Variants in RBPJ observed in about 807,000 individuals in gnomAD.
RBPJ encodes recombining binding protein suppressor of hairless.
RBPJ carries 9 observed loss-of-function variants against 67.8 expected under a neutral mutation model. The ratio of observed to expected loss-of-function variants is 0.13; its 90% CI spans 0.08 to 0.23. The LOEUF (loss-of-function observed/expected upper bound fraction) is 0.23. Among genes scored for constraint, RBPJ ranks in the 10% least tolerant of loss-of-function variants. The pLI is 1.00. For missense variants in RBPJ, 305 were observed against 595.6 expected (o/e 0.51, Z 5.08); for synonymous variants, 198 against 203.3 (o/e 0.97, Z 0.22).
chr4:26,141,461 G>A, the RBPJ span, among the ~76,000 whole-genome samples: 628 of 152,322 alleles, frequency 4.1e-3, 10 homozygotes, highest in Non-Finnish European at 4.4e-3. Flanking sequence ...GGCCCGGAAC[G>A]CCCAGGAACA....
intron 1 of RBPJ, among the ~76,000 whole-genome samples, chr4:26,282,582 G>A (rs1721311248): frequency 6.6e-6 from 1 of 151,398 alleles, no homozygotes; most frequent in Non-Finnish European, 1.5e-5. Flanking sequence ...GTGCAATGGC[G>A]CGATCTCTGC....
intron 5 of RBPJ, among the ~76,000 whole-genome samples, chr4:26,422,301 C>T (rs1735222884): frequency 6.6e-6 from 1 of 151,990 alleles, no homozygotes; most frequent in African/African-American, 2.4e-5. Context: ...CAAACTTTAA[C>T]CTAATGGTTT....
intron 1 of RBPJ, among the ~76,000 whole-genome samples, chr4:26,229,420 C>T (rs1413766872): frequency 1.3e-5 from 2 of 152,166 alleles, no homozygotes; most frequent in Admixed American, 6.5e-5. Context: ...TTTTCTTCCT[C>T]CTGTTGGTGG....
chr4:26,356,816 G>A lies in RBPJ; in HGVS notation c.21-29537G>A, dbSNP rs566723994. 6.2e-4 allele frequency among the ~76,000 whole-genome samples: 94 copies of A among 152,330 alleles called. 1 individual carries two copies. Among genetic ancestry groups the A allele is most frequent in the Non-Finnish European group, 1.0e-4 (7 of 68,026 alleles). ...TTTTTGTAGGACCAGACACTTAGAA[G>A]TGAAATTGCTAGTTGCAAAGATATG... On this transcript the variant is annotated intron_variant, in intron 1 of 10. Transcript: ENST00000355476.
intron 1 of RBPJ, among the ~76,000 whole-genome samples, chr4:26,250,006 G>A (rs919665807): frequency 2.6e-5 from 4 of 151,484 alleles, no homozygotes; most frequent in African/African-American, 9.7e-5. Flanking sequence ...GCCTGGTCTC[G>A]AACTCCTGAC....
At chr4:26,252,407 G>A (rs1480549262) in intron 1 of RBPJ, among the ~76,000 whole-genome samples, 1 of 152,032 alleles carries the variant, frequency 6.6e-6, no homozygotes, top group Non-Finnish European at 1.5e-5. Context: ...ACCAGTTTGG[G>A]CAACATGGCA....
At chr4:26,156,113 G>T in the RBPJ span, among the ~76,000 whole-genome samples, 1 of 152,094 alleles carries the variant, frequency 6.6e-6, no homozygotes, top group African/African-American at 2.4e-5. Flanking sequence ...CATCAAATGG[G>T]AATAATAACT....
At chr4:26,214,635 AAAAGAAAAAAG>A (rs1718574801) in intron 1 of RBPJ, among the ~76,000 whole-genome samples, 1 of 62,452 alleles carries the variant, frequency 1.6e-5, no homozygotes, top group Non-Finnish European at 2.9e-5. Context: ...AAGAGAAAGA[AAAAGAAAAAAG>A]AAAGAGAAAA....
At position 26,432,423 on chromosome 4, in the gene RBPJ, T is replaced by C. The variant is rs959558848; in HGVS notation, c.*1416T>C. 6.6e-6 allele frequency: 1 copy of C among 152,238 alleles called. No homozygotes were observed. The highest frequency in any genetic ancestry group is 2.4e-5 in the African/African-American group (1 of 41,448). The allele number at this position is 152,238 out of a possible 1,614,324, so 9.4% of individuals were successfully genotyped here. On this transcript the variant is annotated 3_prime_UTR_variant, in exon 11 of 11. Coordinates refer to ENST00000355476, the MANE Select transcript of RBPJ (RefSeq NM_015874.6). ...TCTCTGCCTTTTTTGTTTGTTTGTTTTCTCTTTTCCAGTACTGAGCATCTC... is the reference window on the plus strand; with the variant it reads ...TCTCTGCCTTTTTTGTTTGTTTGTTCTCTCTTTTCCAGTACTGAGCATCTC...
Position 26,360,439 on chromosome 4 carries a change from T to C in RBPJ, c.21-25914T>C, listed in dbSNP as rs59553995. Among the ~76,000 whole-genome samples, 905 of 152,302 alleles carry C rather than the reference T, an allele frequency of 5.9e-3. 11 individuals are homozygous for C. The highest frequency in any genetic ancestry group is 0.021 in the African/African-American group (868 of 41,570). On this transcript the variant is annotated intron_variant, in intron 1 of 10. Coordinates refer to ENST00000355476, the MANE Select transcript of RBPJ (RefSeq NM_015874.6). ...ACATTTTCACATATTTAGTAGTTTC[T>C]AGTGCCTATTGTGTTGCGGGCTTTG...
At chr4:26,187,652 G>A (rs534626721) in intron 1 of RBPJ, among the ~76,000 whole-genome samples, 22 of 152,316 alleles carry the variant, frequency 1.4e-4, no homozygotes, top group African/African-American at 4.8e-4. Flanking sequence ...ACTGGAAAGA[G>A]AGGAGGTTTA....
chr4:26,394,193 A>AT (rs1577599791), intron 2 of RBPJ, among the ~76,000 whole-genome samples: 1 of 151,786 alleles, frequency 6.6e-6, no homozygotes, highest in Non-Finnish European at 1.5e-5. Context: ...CACCCGGCTA[A>AT]TTTTTTTGTA....
intron 1 of RBPJ, among the ~76,000 whole-genome samples, chr4:26,282,594 C>T (rs1020331926): frequency 6.6e-6 from 1 of 151,728 alleles, no homozygotes; most frequent in Non-Finnish European, 1.5e-5. Context: ...GATCTCTGCT[C>T]ACTGCAACCT....
At chr4:26,235,753 T>C (rs186497036) in intron 1 of RBPJ, among the ~76,000 whole-genome samples, 47 of 152,346 alleles carry the variant, frequency 3.1e-4, no homozygotes, top group Non-Finnish European at 5.1e-4. Flanking sequence ...TCCTGTCCTT[T>C]GCTCTCCAAG....
intron 1 of RBPJ, among the ~76,000 whole-genome samples, chr4:26,262,260 A>C (rs2109251639): frequency 6.6e-6 from 1 of 152,120 alleles, no homozygotes; most frequent in African/African-American, 2.4e-5. Context: ...TTGTTTTAAG[A>C]AATGAAGTCT....
intron 1 of RBPJ, among the ~76,000 whole-genome samples, chr4:26,341,283 G>T (rs1458301365): frequency 2.0e-5 from 3 of 152,142 alleles, no homozygotes; most frequent in African/African-American, 7.2e-5. Flanking sequence ...GGCTCAACAA[G>T]AAGGGAGTGA....
rs1227276757 is a variant in RBPJ, at chr4:26,303,205, TA to T, written c.-166-59238del. Among the ~76,000 whole-genome samples, 1,085 of 144,876 alleles carry T rather than the reference TA, an allele frequency of 7.5e-3. 14 individuals carry two copies. The highest frequency in any genetic ancestry group is 0.026 in the African/African-American group (1,018 of 39,814). ...AAAAATAAATAAATAAATAAATAAA[TA>T]AATAAATAAATAATAAATGAATAAA... On this transcript the variant is annotated intron_variant, in intron 1 of 4. Transcript: ENST00000512351.
chr4:26,320,796 G>A (rs1343152067), upstream of RBPJ: 1 of 1,556,286 alleles, frequency 6.4e-7, no homozygotes, highest in Admixed American at 2.0e-5. Context: ...GGAGCCGCCT[G>A]CGCATGCTCC....
chr4:26,377,156 A>G (rs988399209), intron 1 of RBPJ, among the ~76,000 whole-genome samples: 3 of 152,140 alleles, frequency 2.0e-5, no homozygotes, highest in African/African-American at 7.2e-5. Flanking sequence ...TAGTGGGCTT[A>G]CTCAGTGCTG....
Sources: gnomAD v4.1 joint callset for allele counts (sites outside exome capture counted in the v4.1 genomes callset) on GRCh38, gnomAD v4.1.1 for gene constraint, MANE v1.5 for transcripts, NCBI Gene and HGNC (gene_info 2026-07-23, HGNC 2026-07-21) for gene names.